Variants in RRN3 observed in about 807,000 individuals in gnomAD.
RRN3 encodes the protein RNA polymerase I transcription factor RRN3, also known as RNA polymerase I-specific transcription initiation factor RRN3.
RRN3 carries 38 observed loss-of-function variants against 82.3 expected under a neutral mutation model. The ratio of observed to expected loss-of-function variants is 0.46; its 90% CI spans 0.36 to 0.61. The LOEUF is 0.61. Among genes scored for constraint, RRN3 ranks in the 20% least tolerant of loss-of-function variants. RRN3 has a pLI of 0.00. For missense variants in RRN3, 726 were observed against 793.1 expected (o/e 0.92, Z 1.02); for synonymous variants, 284 against 284.3 (o/e 1.00, Z 0.01).
At chr16:15,062,933 G>A (rs2044772158) in intron 17 of RRN3, among the ~76,000 whole-genome samples, 1 of 152,208 alleles carries the variant, frequency 6.6e-6, no homozygotes, top group Non-Finnish European at 1.5e-5. Flanking sequence ...TGCATTTACA[G>A]CTCACTGCAG....
intron 14 of RRN3, among the ~76,000 whole-genome samples, chr16:15,068,726 G>GA (rs2045089210): frequency 6.6e-6 from 1 of 152,034 alleles, no homozygotes. Context: ...GTCATCTGTA[G>GA]TTTTTTTTCT....
At chr16:15,077,616 C>G (rs879757066) in intron 9 of RRN3, among the ~76,000 whole-genome samples, 1 of 152,090 alleles carries the variant, frequency 6.6e-6, no homozygotes, top group South Asian at 2.1e-4. Context: ...CCGAGGTGGA[C>G]GGATCATGAG....
intron 3 of RRN3, among the ~76,000 whole-genome samples, chr16:15,090,052 TAAA>T (rs1297570836): frequency 6.6e-6 from 1 of 151,078 alleles, no homozygotes; most frequent in African/African-American, 2.4e-5. Flanking sequence ...CTACTAAAAA[TAAA>T]AAAAATTAAC....
At position 15,092,514 on chromosome 16, in the gene RRN3, T is replaced by C; in HGVS notation, c.190A>G (p.Lys64Glu). 6.2e-7 allele frequency: 1 copy of C among 1,606,698 alleles called. No homozygotes were observed. Among genetic ancestry groups the C allele is most frequent in the Non-Finnish European group, 8.5e-7 (1 of 1,173,254 alleles). Residue 64 changes from lysine to glutamate, a missense_variant, in exon 2 of 18, where the codon AAA becomes GAA. This residue lies in a region of RRN3 where 135 missense variants were observed against 87.4 expected (regional missense o/e 1.55). Transcript: ENST00000198767. ...CACACATTATCTCCCCTTACCTTTTTGTACTTCAGCAAGACTTCTGTCACA... is the reference window on the plus strand; with the variant it reads ...CACACATTATCTCCCCTTACCTTTTCGTACTTCAGCAAGACTTCTGTCACA... ...GTVTEVLLKYKKGETNDFELL... is the reference protein window; with the variant it reads ...GTVTEVLLKYEKGETNDFELL...
At position 15,086,376 on chromosome 16, in the gene RRN3, T is replaced by C. The variant is rs759708033; in HGVS notation, c.331A>G (p.Ser111Gly). 2.5e-6 allele frequency: 4 copies of C among 1,613,762 alleles called. No individual in the cohort carries two copies. The highest frequency in any genetic ancestry group is 3.4e-6 in the Non-Finnish European group (4 of 1,179,772). The change falls in exon 4 of 18, where the codon AGT becomes GGT. Residue 111 changes from serine (S) to glycine (G), a missense_variant. Physicochemically the swap from Ser to Gly is moderately conservative, Grantham distance 56. Coordinates refer to ENST00000198767, the MANE Select transcript of RRN3 (RefSeq NM_018427.5). Reference sequence around the variant, plus strand: ...AATGGTGAACTTACTAATATAATACTGATAAGTTGCTCAAAGTCTTTTGTC... The same window carrying C: ...AATGGTGAACTTACTAATATAATACCGATAAGTTGCTCAAAGTCTTTTGTC... ...YLTKDFEQLI[S>G]IILRLPWLNR...
Position 15,061,644 on chromosome 16 carries a change from G to C in RRN3, c.*100C>G. 8.4e-7 allele frequency: 1 copy of C among 1,196,024 alleles called. No individual in the cohort carries two copies. The highest frequency in any genetic ancestry group is 1.2e-6 in the Non-Finnish European group (1 of 830,884). 74.1% of individuals were successfully genotyped at this position (1,196,024 alleles called of 1,614,324 possible). A position where few individuals can be genotyped will look rare whatever the true frequency, so the allele number is the denominator to read the frequency against. ...ACAGCCGAGGCAGGCACTCGCTCTAGTTCAATGCCATCAATGCCCAATGGC... is the reference window on the plus strand; with the variant it reads ...ACAGCCGAGGCAGGCACTCGCTCTACTTCAATGCCATCAATGCCCAATGGC... On this transcript the variant is annotated 3_prime_UTR_variant, in exon 18 of 18. Coordinates refer to ENST00000198767, the MANE Select transcript of RRN3 (RefSeq NM_018427.5).
intron 6 of RRN3, 119 bp downstream of exon 6, chr16:15,085,520 G>T (rs1397517923): frequency 1.6e-5 from 22 of 1,403,726 alleles, no homozygotes; most frequent in Admixed American, 6.6e-5. Flanking sequence ...GTCTCACTAT[G>T]TTGCCCAGGC....
chr16:15,069,597 G>T (rs980902292), intron 14 of RRN3, among the ~76,000 whole-genome samples: 3 of 152,174 alleles, frequency 2.0e-5, no homozygotes, highest in Non-Finnish European at 4.4e-5. Context: ...TTTAGGGTCA[G>T]CCAAACCTGG....
At position 15,072,808 on chromosome 16, in the gene RRN3, G is replaced by A. The variant is rs574888732; in HGVS notation, c.1128+142C>T. 2.0e-4 allele frequency: 159 copies of A among 812,918 alleles called. No individual in the cohort carries two copies. The African/African-American group carries it at 2.7e-3, about 14-fold the overall frequency. The allele number at this position is 812,918 out of a possible 1,614,324, so 50.4% of individuals were successfully genotyped here. ...AGAAAACAAAAAAAGAAAGGAGAAT[G>A]CGATTTTATTAAGCAGACTAGCAAG... On this transcript the variant is annotated intron_variant, in intron 12 of 17. Coordinates refer to ENST00000198767, the MANE Select transcript of RRN3 (RefSeq NM_018427.5).
rs777966577 is a variant in RRN3, at chr16:15,061,887, C to G, written c.1813G>C (p.Asp605His). The change falls in exon 18 of 18, where the codon GAT (aspartate) becomes CAT (histidine). Residue 605 changes from aspartate (D) to histidine (H), a missense_variant. By Grantham distance (81) the Asp-to-His change is moderately conservative. Around this residue, in one of 4 missense-constraint regions of RRN3, gnomAD observed 166 missense variants for 154.8 expected, o/e 1.07. Transcript: ENST00000198767. Reference protein sequence around the residue: ...PMKKDIVEDEDDDFLKGEVPQ... With the variant: ...PMKKDIVEDEHDDFLKGEVPQ... The stretch of plus-strand genomic sequence containing the variant: ...ACTTCGCCTTTCAGAAAGTCATCAT[C>G]TTCATCTTCCACTATGTCCTGCAGA... 1 of 1,612,588 alleles carries G rather than the reference C, an allele frequency of 6.2e-7. No individual in the cohort carries two copies. Among genetic ancestry groups the G allele is most frequent in the Non-Finnish European group, 8.5e-7 (1 of 1,178,616 alleles).
chr16:15,093,772 T>TAG, intron 1 of RRN3, among the ~76,000 whole-genome samples: 1 of 152,168 alleles, frequency 6.6e-6, no homozygotes, highest in Non-Finnish European at 1.5e-5. Flanking sequence ...TAATATTCAA[T>TAG]TTGCCATGAG....
chr16:15,088,730 G>GA (rs2046003624), intron 3 of RRN3, among the ~76,000 whole-genome samples: 1 of 152,122 alleles, frequency 6.6e-6, no homozygotes, highest in African/African-American at 2.4e-5. Flanking sequence ...TCAGAAAACT[G>GA]AAAAACGTTC....
chr16:15,077,582 C>G (rs1247792923), intron 9 of RRN3, among the ~76,000 whole-genome samples: 1 of 152,188 alleles, frequency 6.6e-6, no homozygotes, highest in Non-Finnish European at 1.5e-5. Flanking sequence ...TGGCTCACGC[C>G]TGTAATCCGA....
intron 9 of RRN3, among the ~76,000 whole-genome samples, chr16:15,078,817 T>C (rs1025390030): frequency 4.1e-4 from 61 of 149,972 alleles, no homozygotes; most frequent in African/African-American, 1.4e-3. Flanking sequence ...TTTTTCTTTT[T>C]TTTTTTTTTT....
chr16:15,089,979 C>T (rs1421690042), intron 3 of RRN3, among the ~76,000 whole-genome samples: 1 of 151,600 alleles, frequency 6.6e-6, no homozygotes, highest in African/African-American at 2.4e-5. Flanking sequence ...GAGGCCAAGG[C>T]GGGCAGGTCA....
rs1348392615 is a variant in RRN3, at chr16:15,072,949, C to G, written c.1128+1G>C. ...ATAATGTTAATCACATTCTTACTCA[C>G]CAATTTGAAACTACAGAGGTAAAAC... On this transcript the variant is annotated splice_donor_variant, in intron 12 of 17. Coordinates refer to ENST00000198767, the MANE Select transcript of RRN3 (RefSeq NM_018427.5). LOFTEE classifies it high-confidence loss of function. The G allele has an allele frequency of 1.2e-6, 2 of 1,613,056 alleles. No individual in the cohort carries two copies. Among genetic ancestry groups the G allele is most frequent in the African/African-American group, 1.3e-5 (1 of 74,852 alleles).
chr16:15,084,729 ATGAG>A (rs1256778024), intron 6 of RRN3, 24 bp from the exon 7 acceptor site: 1 of 1,587,156 alleles, frequency 6.3e-7, no homozygotes, highest in South Asian at 1.1e-5. Context: ...AGTTCAGAGT[ATGAG>A]CATCAAAACA....
At chr16:15,071,096 G>A (rs1318537235) in intron 13 of RRN3, 25 bp downstream of exon 13, 1 of 1,583,630 alleles carries the variant, frequency 6.3e-7, no homozygotes, top group Non-Finnish European at 8.6e-7. Flanking sequence ...ATATTAAAAA[G>A]TATTCGGAAA....
rs575531116 is a variant in RRN3 at position 15,065,145 on chromosome 16, G to A, written c.1706+74C>T. Reference sequence around the variant, plus strand: ...CACACCACCGCACTCCAGCCTGGGCGACAGAGTGAGACTCCGTCTCAAAAA... The same window carrying A: ...CACACCACCGCACTCCAGCCTGGGCAACAGAGTGAGACTCCGTCTCAAAAA... On this transcript the variant is annotated intron_variant, in intron 16 of 17. Transcript: ENST00000198767. 4.1e-5 allele frequency: 60 copies of A among 1,469,190 alleles called. No homozygotes were observed. In the Middle Eastern group the frequency reaches 5.4e-4, roughly 13 times the overall value. The allele number at this position is 1,469,190 out of a possible 1,614,324, so 91.0% of individuals were successfully genotyped here.
Sources: gnomAD v4.1 joint callset for allele counts (sites outside exome capture counted in the v4.1 genomes callset) on GRCh38, gnomAD v4.1.1 for gene constraint, gnomAD v4.1.1 regional missense constraint, MANE v1.5 for transcripts, NCBI Gene and HGNC (gene_info 2026-07-23, HGNC 2026-07-21) for gene names.